Variants in AUTS2 observed in about 807,000 individuals in gnomAD.
AUTS2 encodes activator of transcription and developmental regulator AUTS2.
A neutral mutation model predicts 112.4 loss-of-function variants in AUTS2; 17 were observed. That is an observed-to-expected ratio of 0.15 (90% CI 0.10 to 0.23). AUTS2 has a LOEUF of 0.23. Among genes scored for constraint, AUTS2 ranks in the 10% least tolerant of loss-of-function variants. The pLI is 1.00. For missense variants in AUTS2, 1,510 were observed against 1,701.6 expected (o/e 0.89, Z 1.98); for synonymous variants, 751 against 702.7 (o/e 1.07, Z -1.09).
chr7:70,148,025 T>C (rs1807226273), intron 4 of AUTS2, among the ~76,000 whole-genome samples: 1 of 152,146 alleles, frequency 6.6e-6, no homozygotes, highest in Admixed American at 6.6e-5. Context: ...CTAGTTTTTC[T>C]GGGAGGATTG....
intron 1 of AUTS2, among the ~76,000 whole-genome samples, chr7:69,702,499 T>C (rs1797862472): frequency 6.6e-6 from 1 of 152,172 alleles, no homozygotes; most frequent in Non-Finnish European, 1.5e-5. Context: ...GAGGACTTCG[T>C]AGTAGTTCTC....
intron 2 of AUTS2, among the ~76,000 whole-genome samples, chr7:69,930,294 C>T (rs534462493): frequency 2.0e-5 from 3 of 152,240 alleles, no homozygotes; most frequent in South Asian, 4.1e-4. Context: ...CTCTGTAGAT[C>T]TCCAGGGCTC....
At chr7:70,034,751 G>A (rs966914432) in intron 2 of AUTS2, among the ~76,000 whole-genome samples, 14 of 152,142 alleles carry the variant, frequency 9.2e-5, no homozygotes, top group African/African-American at 1.9e-4. Flanking sequence ...TGTTATGACC[G>A]TGTTAAGGTT....
chr7:69,993,755 G>GTC (rs1798833746), intron 2 of AUTS2, among the ~76,000 whole-genome samples: 1 of 151,744 alleles, frequency 6.6e-6, no homozygotes. Context: ...CTCTGTCTCT[G>GTC]TCTGTCTGTC....
chr7:70,191,632 TC>T (rs1809899655), intron 4 of AUTS2, among the ~76,000 whole-genome samples: 2 of 152,322 alleles, frequency 1.3e-5, no homozygotes, highest in South Asian at 4.1e-4. Context: ...CATAATACAG[TC>T]AGAAGATGAT....
rs548224970 is a variant in AUTS2, at chr7:70,640,734, A to G, written c.691-57835A>G. ...GTAACACACTTTTCCACTGGTCACA[A>G]TGACAGTTTGTTTTTGGAGAAAGCC... On this transcript the variant is annotated intron_variant, in intron 5 of 18. Transcript: ENST00000342771. Among the ~76,000 whole-genome samples, 4 of 152,266 alleles carry G rather than the reference A, an allele frequency of 2.6e-5. No individual in the cohort carries two copies. The South Asian group carries it at 8.3e-4, about 32-fold the overall frequency.
At chr7:69,959,889 T>C (rs966530800) in intron 2 of AUTS2, among the ~76,000 whole-genome samples, 2 of 152,118 alleles carry the variant, frequency 1.3e-5, no homozygotes, top group African/African-American at 4.8e-5. Context: ...TTAACTGAGC[T>C]AGAGAATATA....
chr7:70,674,823 A>C (rs1353041062), intron 5 of AUTS2, among the ~76,000 whole-genome samples: 1 of 152,256 alleles, frequency 6.6e-6, no homozygotes, highest in Non-Finnish European at 1.5e-5. Context: ...AATGGATTTC[A>C]GTGAGATATG....
chr7:70,335,000 C>G (rs1432109763), intron 4 of AUTS2, among the ~76,000 whole-genome samples: 3 of 152,156 alleles, frequency 2.0e-5, no homozygotes, highest in Admixed American at 1.3e-4. Flanking sequence ...CTCTTCTAGA[C>G]AGCAGCTTGG....
intron 4 of AUTS2, among the ~76,000 whole-genome samples, chr7:70,278,617 A>G (rs1306947213): frequency 6.7e-6 from 1 of 149,420 alleles, no homozygotes; most frequent in Non-Finnish European, 1.5e-5. Context: ...ATACATACAT[A>G]CATACATATG....
At chr7:69,811,222 A>G (rs1042455305) in intron 1 of AUTS2, among the ~76,000 whole-genome samples, 9 of 152,130 alleles carry the variant, frequency 5.9e-5, no homozygotes, top group African/African-American at 2.2e-4. Context: ...ATCAGGAAGC[A>G]TAGTTTGAAA....
intron 1 of AUTS2, among the ~76,000 whole-genome samples, chr7:69,701,070 C>T (rs1797781665): frequency 6.6e-6 from 1 of 152,120 alleles, no homozygotes; most frequent in African/African-American, 2.4e-5. Flanking sequence ...CTAGATGTAT[C>T]ACCTCGGACA....
chr7:69,897,993 TA>T, intron 1 of AUTS2, among the ~76,000 whole-genome samples: 1 of 152,350 alleles, frequency 6.6e-6, no homozygotes, highest in Non-Finnish European at 1.5e-5. Context: ...GGTTTTGTTT[TA>T]TTTTTAAATG....
At chr7:69,669,512 G>T (rs1796218235) in intron 1 of AUTS2, among the ~76,000 whole-genome samples, 1 of 151,974 alleles carries the variant, frequency 6.6e-6, no homozygotes, top group South Asian at 2.1e-4. Context: ...GCCCAATCCT[G>T]TATTCTCTAA....
In AUTS2 at chr7:69,899,515, T is replaced by C. The variant is rs371906119; in HGVS notation, c.522+17T>C. On this transcript the variant is annotated intron_variant, in intron 2 of 18. Transcript: ENST00000342771. The stretch of plus-strand genomic sequence containing the variant: ...CTCAGACAGGTGAGGAAGCTTGGGT[T>C]CGCTCTTTCCTGTGGCGGCAAAATC... 6.2e-6 allele frequency: 10 copies of C among 1,613,110 alleles called. No individual in the cohort carries two copies. Among genetic ancestry groups the C allele is most frequent in the Non-Finnish European group, 7.6e-6 (9 of 1,179,368 alleles).
chr7:70,349,737 G>A (rs1047370074), intron 4 of AUTS2, among the ~76,000 whole-genome samples: 2 of 151,892 alleles, frequency 1.3e-5, no homozygotes, highest in Admixed American at 1.3e-4. Context: ...ACAAACCGAA[G>A]TCATTTTATA....
At position 70,047,769 on chromosome 7, in the gene AUTS2, A is replaced by G. The variant is rs113410260; in HGVS notation, c.523-70363A>G. On this transcript the variant is annotated intron_variant, in intron 2 of 18. Transcript: ENST00000342771. The stretch of plus-strand genomic sequence containing the variant: ...ACTAAAGAGTGTGTGCTAGGTGAAG[A>G]AGAGGTAGGATTTTAAGGAAATTCT... Among the ~76,000 whole-genome samples, 1,257 of 152,156 alleles carry G rather than the reference A, an allele frequency of 8.3e-3. 26 individuals carry two copies. Among genetic ancestry groups the G allele is most frequent in the South Asian group, 0.059 (283 of 4,808 alleles).
chr7:69,996,265 A>G (rs1798939381), intron 2 of AUTS2, among the ~76,000 whole-genome samples: 1 of 152,218 alleles, frequency 6.6e-6, no homozygotes, highest in Non-Finnish European at 1.5e-5. Flanking sequence ...AAGGTATGCT[A>G]CATGGAGCCT....
chr7:69,644,578 A>G (rs2129124156), intron 1 of AUTS2, among the ~76,000 whole-genome samples: 1 of 151,976 alleles, frequency 6.6e-6, no homozygotes, highest in East Asian at 1.9e-4. Flanking sequence ...AGGGCTCAGT[A>G]GCCTTCCCCT....
Sources: gnomAD v4.1 joint callset for allele counts (sites outside exome capture counted in the v4.1 genomes callset) on GRCh38, gnomAD v4.1.1 for gene constraint, MANE v1.5 for transcripts, NCBI Gene and HGNC (gene_info 2026-07-23, HGNC 2026-07-21) for gene names.